TJP1: variants seen among roughly 807,000 people sequenced by gnomAD.
TJP1 encodes the protein tight junction protein ZO-1.
Under a neutral mutation model 194.2 loss-of-function variants are expected in TJP1, and 43 were observed. The ratio of observed to expected loss-of-function variants is 0.22; its 90% confidence interval spans 0.17 to 0.29. The LOEUF (loss-of-function observed/expected upper bound fraction) is 0.29. Among genes scored for constraint, TJP1 ranks in the 10% least tolerant of loss-of-function variants. The pLI is 1.00. For synonymous variants in TJP1, 801 were observed against 779.0 expected (o/e 1.03, Z -0.47); for missense variants, 1,971 against 2,185.7 (o/e 0.90, Z 1.96).
intron 2 of TJP1, among the ~76,000 whole-genome samples, chr15:29,839,129 G>A (rs2051138577): frequency 6.7e-6 from 1 of 149,250 alleles, no homozygotes; most frequent in African/African-American, 2.5e-5. Context: ...CTCCCGAGTA[G>A]CTGGGACTAC....
chr15:29,758,106 C>T (rs909868323), intron 8 of TJP1, among the ~76,000 whole-genome samples: 1 of 152,170 alleles, frequency 6.6e-6, no homozygotes, highest in East Asian at 1.9e-4. Context: ...TATAATACAT[C>T]TAACCTACAA....
intron 1 of TJP1, among the ~76,000 whole-genome samples, chr15:29,808,682 C>G (rs926386316): frequency 3.3e-5 from 5 of 152,146 alleles, no homozygotes. Flanking sequence ...CTCTGTCTTT[C>G]CTATACAAAC....
intron 4 of TJP1, among the ~76,000 whole-genome samples, chr15:29,767,540 C>T (rs569108320): frequency 3.9e-5 from 6 of 152,248 alleles, no homozygotes; most frequent in African/African-American, 1.4e-4. Flanking sequence ...CTGACAAACT[C>T]CAGTCCTATT....
In TJP1 at chr15:29,761,632, G is replaced by A. The variant is rs770793355; in HGVS notation, c.831C>T (p.Ser277=). 3.1e-6 allele frequency: 5 copies of A among 1,605,978 alleles called. No individual in the cohort carries two copies. The African/African-American group carries it at 5.3e-5, about 17-fold the overall frequency. ...TLLNVPDLSD[S]IHSANASERD... is the part of the protein sequence containing the mutation. ...TCTCAGAGGCATTAGCAGAGTGGAT[G>A]CTGTCAGAAAGATCAGGGACATTCA... Residue 277 remains serine (S), a synonymous_variant, in exon 7 of 28, where the codon AGC becomes AGT. Transcript: ENST00000614355.
At chr15:29,905,964 C>A (rs1171743534) in intron 2 of TJP1, among the ~76,000 whole-genome samples, 1 of 152,126 alleles carries the variant, frequency 6.6e-6, no homozygotes, top group East Asian at 1.9e-4. Context: ...TTGTCCAAAT[C>A]CATAGATTGC....
At position 29,920,480 on chromosome 15, in the gene TJP1, CAGTCTACCTAGAAG is replaced by C. The variant is rs373016305; in HGVS notation, c.306+35738_306+35751del. On this transcript the variant is annotated intron_variant, in intron 2 of 28. Coordinates refer to the TJP1 transcript ENST00000356107. ...AAGAAAAGCAAACTGAAGGATGGAA[CAGTCTACCTAGAAG>C]ATGTTTCAATGATCGGATAACTAGC... Among the ~76,000 whole-genome samples the C allele has an allele frequency of 2.0e-3, 302 of 152,286 alleles. 2 individuals carry two copies. Among genetic ancestry groups the C allele is most frequent in the Middle Eastern group, 6.8e-3 (2 of 294 alleles).
At chr15:29,735,582 C>T (rs1397939499) in intron 11 of TJP1, among the ~76,000 whole-genome samples, 3 of 131,668 alleles carry the variant, frequency 2.3e-5, no homozygotes, top group African/African-American at 8.5e-5. Flanking sequence ...GAGGCGCTGT[C>T]TCAAGGAAAA....
chr15:29,936,028 T>C (rs1178171797), intron 2 of TJP1, among the ~76,000 whole-genome samples: 1 of 152,074 alleles, frequency 6.6e-6, no homozygotes, highest in Non-Finnish European at 1.5e-5. Context: ...CTTCTCCCTC[T>C]TCCTCAACTG....
intron 2 of TJP1, among the ~76,000 whole-genome samples, chr15:29,878,359 T>G (rs988795989): frequency 6.6e-6 from 1 of 152,142 alleles, no homozygotes; most frequent in Non-Finnish European, 1.5e-5. Flanking sequence ...CAAGAATAGT[T>G]TTCAAGAAGC....
chr15:29,708,501 C>A, intron 25 of TJP1, 58 bp downstream of exon 25: 2 of 1,387,160 alleles, frequency 1.4e-6, no homozygotes, highest in African/African-American at 1.4e-5. Flanking sequence ...TAAACTACAA[C>A]AAACTCACAT....
intron 1 of TJP1, among the ~76,000 whole-genome samples, chr15:29,810,619 G>A (rs892858326): frequency 1.3e-5 from 2 of 152,126 alleles, no homozygotes; most frequent in Non-Finnish European, 2.9e-5. Flanking sequence ...TGTCTAGAAG[G>A]GGTAACAGAT....
intron 2 of TJP1, among the ~76,000 whole-genome samples, chr15:29,950,428 A>G (rs1438526734): frequency 6.6e-6 from 1 of 150,500 alleles, no homozygotes; most frequent in Non-Finnish European, 1.5e-5. Context: ...GTACACCATC[A>G]TCACCACCAC....
intron 2 of TJP1, among the ~76,000 whole-genome samples, chr15:29,846,142 A>G (rs2051399134): frequency 1.3e-5 from 2 of 152,034 alleles, no homozygotes; most frequent in African/African-American, 4.8e-5. Context: ...ACTGCACTCA[A>G]CTGATCTTTA....
chr15:29,870,858 A>G (rs565106885), intron 2 of TJP1, among the ~76,000 whole-genome samples: 207 of 152,304 alleles, frequency 1.4e-3, no homozygotes, highest in Non-Finnish European at 2.1e-3. Context: ...ATGCAAAGAG[A>G]AGAGAAGATA....
chr15:29,948,819 G>T (rs1256941720), intron 2 of TJP1, among the ~76,000 whole-genome samples: 1 of 151,952 alleles, frequency 6.6e-6, no homozygotes, highest in Non-Finnish European at 1.5e-5. Flanking sequence ...TTGCAAACAG[G>T]AACATTTCAA....
intron 2 of TJP1, among the ~76,000 whole-genome samples, chr15:29,864,164 C>T (rs924605322): frequency 5.0e-5 from 7 of 140,288 alleles, no homozygotes; most frequent in East Asian, 2.2e-4. Context: ...GAGGCCGAGG[C>T]GGGTGGATCA....
Position 29,800,632 on chromosome 15 carries a change from C to T in TJP1, c.84+14G>A. On this transcript the variant is annotated intron_variant, in intron 2 of 27. Transcript: ENST00000614355. ...TGAGTTATACACAGATTACTTACTGCAACACAAACTTACCCTGTGAAGCGT... is the reference window on the plus strand; with the variant it reads ...TGAGTTATACACAGATTACTTACTGTAACACAAACTTACCCTGTGAAGCGT... 6.2e-7 allele frequency: 1 copy of T among 1,613,548 alleles called. No individual in the cohort carries two copies. The highest frequency in any genetic ancestry group is 1.3e-5 in the African/African-American group (1 of 75,032).
At chr15:29,945,095 T>C (rs1461423830) in intron 2 of TJP1, among the ~76,000 whole-genome samples, 2 of 152,178 alleles carry the variant, frequency 1.3e-5, no homozygotes, top group Non-Finnish European at 2.9e-5. Context: ...TTGTGATCAC[T>C]TGGGATCTCA....
chr15:29,938,015 C>T (rs1323920807), intron 2 of TJP1, among the ~76,000 whole-genome samples: 1 of 152,232 alleles, frequency 6.6e-6, no homozygotes, highest in Admixed American at 6.5e-5. Flanking sequence ...TTTAAGTAGT[C>T]CATCTTCAAC....
Sources: gnomAD v4.1 joint callset for allele counts (sites outside exome capture counted in the v4.1 genomes callset) on GRCh38, gnomAD v4.1.1 for gene constraint, MANE v1.5 for transcripts, NCBI Gene and HGNC (gene_info 2026-07-23, HGNC 2026-07-21) for gene names.